PFKFB3: variants seen among roughly 807,000 people sequenced by gnomAD.
PFKFB3 encodes 6-phosphofructo-2-kinase/fructose-2,6-bisphosphatase 3.
In PFKFB3, 33 loss-of-function variants were observed where a neutral mutation model predicts 68.0. The ratio of observed to expected loss-of-function variants is 0.49; its 90% CI spans 0.37 to 0.65. The LOEUF is 0.65. Among genes scored for constraint, PFKFB3 ranks in the 30% least tolerant of loss-of-function variants. The pLI, the probability that PFKFB3 is intolerant of heterozygous loss-of-function variation, is 0.00. For missense variants in PFKFB3, 586 were observed against 712.2 expected, an observed-to-expected ratio of 0.82 and a Z score of 2.02; for synonymous variants, 315 against 288.2, an observed-to-expected ratio of 1.09 and a Z score of -0.94.
chr10:6,270,298 A>C, the PFKFB3 span, among the ~76,000 whole-genome samples: 1 of 152,160 alleles, frequency 6.6e-6, no homozygotes, highest in Non-Finnish European at 1.5e-5. Flanking sequence ...GGAGATAATG[A>C]TGCCTTCTTT....
At chr10:6,189,448 G>T (rs985043040) in intron 1 of PFKFB3, among the ~76,000 whole-genome samples, 3 of 151,234 alleles carry the variant, frequency 2.0e-5, no homozygotes, top group African/African-American at 2.4e-5. Flanking sequence ...CTGTGTGTTT[G>T]TCAGGGATGC....
chr10:6,277,037 C>T, the PFKFB3 span, among the ~76,000 whole-genome samples: 1 of 152,072 alleles, frequency 6.6e-6, no homozygotes, highest in African/African-American at 2.4e-5. Context: ...CTAACCTGTT[C>T]CCCATTGCTG....
At chr10:6,283,540 A>AGATGGAGGCCGGAAGACTCAGCCCACACT in the PFKFB3 span, among the ~76,000 whole-genome samples, 648 of 151,144 alleles carry the variant, frequency 4.3e-3, 8 homozygotes, top group South Asian at 9.0e-3. Context: ...CATGGGAGAA[A>AGATGGAGGCCGGAAGACTCAGCCCACACT]GATGGAGGCT....
chr10:6,271,073 C>T, the PFKFB3 span, among the ~76,000 whole-genome samples: 1 of 152,236 alleles, frequency 6.6e-6, no homozygotes, highest in Non-Finnish European at 1.5e-5. Flanking sequence ...GTGAAAGATG[C>T]TCTTCCAATG....
In PFKFB3 at chr10:6,181,796, TAAAAAAA is replaced by T. The variant is rs60557537; in HGVS notation, c.17-31810_17-31804del. On this transcript the variant is annotated intron_variant, in intron 1 of 14. Coordinates refer to the PFKFB3 transcript ENST00000379789. ...CTGGGCGATAGAGTAAGACTCCGTT[TAAAAAAA>T]AAAAAAAAAAAAAAAAGACAAATAC... is the stretch of plus-strand genomic sequence containing the variant. 7.4e-3 allele frequency among the ~76,000 whole-genome samples: 845 copies of T among 114,156 alleles called. 8 individuals are homozygous for T. The highest frequency in any genetic ancestry group is 0.024 in the African/African-American group (714 of 29,908). The allele number at this position is 114,156 out of a possible 152,430, so 74.9% of individuals were successfully genotyped here. A position where few individuals can be genotyped will look rare whatever the true frequency, so the allele number is the denominator to read the frequency against.
At chr10:6,179,591 C>T (rs138145863) in intron 1 of PFKFB3, among the ~76,000 whole-genome samples, 84 of 152,146 alleles carry the variant, frequency 5.5e-4, no homozygotes, top group African/African-American at 1.8e-3. Context: ...TGGGGGTCGT[C>T]GAAGGACGGG....
rs142337000 is a variant in PFKFB3 at position 6,251,196 on chromosome 10, G to A, written c.1516-2982G>A. Among the ~76,000 whole-genome samples the A allele has an allele frequency of 1.2e-4, 18 of 152,302 alleles. No homozygotes were observed. In the East Asian group the frequency reaches 3.1e-3, roughly 26 times the overall value. On this transcript the variant is annotated intron_variant, in intron 14 of 14. Coordinates refer to the PFKFB3 transcript ENST00000640683. ...TGGATATTCAGAAGGCAAGGATGGGGTGGAAAGAGAGTACCAGACTGATAT... is the reference window on the plus strand; with the variant it reads ...TGGATATTCAGAAGGCAAGGATGGGATGGAAAGAGAGTACCAGACTGATAT...
In PFKFB3 at chr10:6,183,614, A is replaced by AAATAT. The variant is rs1242752213; in HGVS notation, c.17-30008_17-30007insATATA. On this transcript the variant is annotated intron_variant, in intron 1 of 14. Coordinates refer to the PFKFB3 transcript ENST00000379789. ...GACCAGCCTGGTCAAAAAAAAAAAA[A>AAATAT]ATATATATATATATATATGTATATA... Among the ~76,000 whole-genome samples the AAATAT allele has an allele frequency of 2.8e-3, 266 of 93,932 alleles. 3 individuals carry two copies. Among genetic ancestry groups the AAATAT allele is most frequent in the African/African-American group, 8.0e-3 (236 of 29,352 alleles). 61.6% of individuals were successfully genotyped at this position (93,932 alleles called of 152,430 possible).
At chr10:6,251,489 C>A (rs750566559) in intron 14 of PFKFB3, among the ~76,000 whole-genome samples, 1 of 152,152 alleles carries the variant, frequency 6.6e-6, no homozygotes, top group Non-Finnish European at 1.5e-5. Flanking sequence ...TTTGTTACAA[C>A]CTTGTACATT....
At chr10:6,319,904 C>G in the PFKFB3 span, among the ~76,000 whole-genome samples, 1,287 of 152,230 alleles carry the variant, frequency 8.5e-3, 20 homozygotes, top group African/African-American at 0.03. Flanking sequence ...GGTCAATAAA[C>G]ATAAATGAAC....
At chr10:6,237,210 C>T (rs1006427157), downstream of PFKFB3, among the ~76,000 whole-genome samples, 11 of 152,264 alleles carry the variant, frequency 7.2e-5, no homozygotes, top group African/African-American at 2.7e-4. Context: ...CGAGTCCCTG[C>T]ACACCTTTCG....
intron 1 of PFKFB3, among the ~76,000 whole-genome samples, chr10:6,182,013 A>G (rs190510620): frequency 1.1e-3 from 173 of 152,212 alleles, no homozygotes; most frequent in African/African-American, 3.8e-3. Context: ...TAACACTGTG[A>G]TTGTGCTTAC....
chr10:6,162,324 A>G (rs148965782), intron 1 of PFKFB3, among the ~76,000 whole-genome samples: 1,826 of 152,320 alleles, frequency 0.012, 30 homozygotes, highest in African/African-American at 0.04. Context: ...GGCTGTTGTC[A>G]ATAATGCTGC....
At chr10:6,162,642 G>T (rs896334667) in intron 1 of PFKFB3, among the ~76,000 whole-genome samples, 2 of 152,114 alleles carry the variant, frequency 1.3e-5, no homozygotes, top group Non-Finnish European at 2.9e-5. Flanking sequence ...TTAAAATTAT[G>T]ACTGCATGTG....
the PFKFB3 span, among the ~76,000 whole-genome samples, chr10:6,312,020 G>A: frequency 6.6e-6 from 1 of 152,322 alleles, no homozygotes; most frequent in Non-Finnish European, 1.5e-5. Context: ...TCGGGGGCAG[G>A]AATAAGTGCC....
the PFKFB3 span, chr10:6,294,674 G>T: frequency 6.1e-6 from 1 of 162,906 alleles, no homozygotes; most frequent in Non-Finnish European, 1.4e-5. Context: ...TTGAGAGATG[G>T]AGAGAGATAT....
At chr10:6,205,332 A>G (rs1057137100) in intron 1 of PFKFB3, among the ~76,000 whole-genome samples, 4 of 135,228 alleles carry the variant, frequency 3.0e-5, no homozygotes, top group African/African-American at 1.1e-4. Flanking sequence ...CTTTCCTGAC[A>G]CCCTCCCTCG....
At chr10:6,277,723 C>T in the PFKFB3 span, 1 of 405,322 alleles carries the variant, frequency 2.5e-6, no homozygotes. Context: ...AGAAGCTGAG[C>T]AGATGCCAGC....
upstream of PFKFB3, among the ~76,000 whole-genome samples, chr10:6,201,205 C>T (rs968959145): frequency 1.5e-4 from 22 of 151,414 alleles, no homozygotes; most frequent in Admixed American, 1.4e-3. The surrounding 1 kb of genome is among the most constrained non-coding windows in gnomAD (Gnocchi z 4.1). Context: ...CGCTCGCTGC[C>T]TGCTGTTTCC....
Sources: allele counts gnomAD v4.1 joint callset (sites outside exome capture counted in the v4.1 genomes callset), GRCh38; gene constraint gnomAD v4.1.1; non-coding constraint Gnocchi (gnomAD v3.1); transcripts MANE v1.5; gene names NCBI Gene and HGNC (gene_info 2026-07-23, HGNC 2026-07-21).